The following ABHD5 variants were observed in gnomAD, a reference collection of about 807,000 sequenced individuals.
ABHD5 encodes abhydrolase domain containing 5, lysophosphatidic acid acyltransferase.
In ABHD5, 30 loss-of-function variants were observed where a neutral mutation model predicts 44.9. That is an observed-to-expected ratio of 0.67 (90% CI 0.50 to 0.91). The LOEUF (loss-of-function observed/expected upper bound fraction) is 0.91, where lower values mean the gene tolerates loss of function less well. Among genes scored for constraint, ABHD5 ranks in the 40% least tolerant of loss-of-function variants. The pLI is 0.00. For missense variants in ABHD5, 399 were observed against 423.4 expected, an observed-to-expected ratio of 0.94 and a Z score of 0.50; for synonymous variants, 167 against 147.0, an observed-to-expected ratio of 1.14 and a Z score of -0.99.
intron 7 of ABHD5, among the ~76,000 whole-genome samples, chr3:43,730,438 T>C (rs1330736575): frequency 1.3e-5 from 2 of 152,068 alleles, no homozygotes; most frequent in Non-Finnish European, 2.9e-5. Flanking sequence ...CTAATAGATA[T>C]TCCAGAAAGA....
chr3:43,699,741 G>A lies in ABHD5; in HGVS notation c.133+380G>A, dbSNP rs112971264. 3.5e-3 allele frequency: 582 copies of A among 166,138 alleles called. 8 individuals are homozygous for A. Among genetic ancestry groups the A allele is most frequent in the African/African-American group, 0.014 (562 of 41,482 alleles). The allele number at this position is 166,138 out of a possible 1,614,324, so 10.3% of individuals were successfully genotyped here. A position where few individuals can be genotyped will look rare whatever the true frequency, so the allele number is the denominator to read the frequency against. ...TTACAGATTAAAATAAATAAAATTT[G>A]TACCAAAAAAAGAAAAAAAATACTT... On this transcript the variant is annotated intron_variant, in intron 2 of 6. Coordinates refer to ENST00000644371, the MANE Select transcript of ABHD5 (RefSeq NM_016006.6).
chr3:43,691,091 G>C (rs756643002), intron 1 of ABHD5, 52 bp downstream of exon 1: 2 of 1,497,906 alleles, frequency 1.3e-6, no homozygotes, highest in African/African-American at 2.9e-5. Context: ...CACCCTCCGC[G>C]CGGGCCGGGT....
downstream of ABHD5, among the ~76,000 whole-genome samples, chr3:43,727,351 C>T (rs2084884848): frequency 6.6e-6 from 1 of 152,198 alleles, no homozygotes; most frequent in South Asian, 2.1e-4. Context: ...CCCATTGGAC[C>T]TTATTCTACT....
At chr3:43,726,169 C>G (rs1250841664), downstream of ABHD5, among the ~76,000 whole-genome samples, 1 of 152,054 alleles carries the variant, frequency 6.6e-6, no homozygotes, top group Non-Finnish European at 1.5e-5. Context: ...AGGCCTGTTT[C>G]CTAGTTTTTA....
chr3:43,703,964 C>T (rs1257043989), intron 3 of ABHD5, among the ~76,000 whole-genome samples: 2 of 151,896 alleles, frequency 1.3e-5, no homozygotes, highest in Non-Finnish European at 2.9e-5. Flanking sequence ...AACTGGCGGA[C>T]CTGTTCTTTA....
chr3:43,704,073 G>A (rs1311171993), intron 3 of ABHD5, among the ~76,000 whole-genome samples: 3 of 138,686 alleles, frequency 2.2e-5, no homozygotes, highest in African/African-American at 5.4e-5. Context: ...AGTCTCACTC[G>A]GTCGCCCAGG....
In ABHD5 at chr3:43,698,425, G is replaced by T. The variant is rs144318747; in HGVS notation, c.48-851G>T. On this transcript the variant is annotated intron_variant, in intron 1 of 6. Transcript: ENST00000644371. ...TTAAATAATACCAGCCATGCACCGA[G>T]CCCTTGCTAACTGTCAAATGACTAC... Among the ~76,000 whole-genome samples, 998 of 152,208 alleles carry T rather than the reference G, an allele frequency of 6.6e-3. 40 individuals are homozygous for T. Among genetic ancestry groups the T allele is most frequent in the Admixed American group, 0.061 (929 of 15,300 alleles).
intron 3 of ABHD5, among the ~76,000 whole-genome samples, chr3:43,708,717 C>T (rs1203315795): frequency 6.6e-6 from 1 of 152,094 alleles, no homozygotes; most frequent in Non-Finnish European, 1.5e-5. Context: ...GTAGTAGAAG[C>T]AGATGATATA....
intron 3 of ABHD5, among the ~76,000 whole-genome samples, chr3:43,709,396 T>A (rs1157690871): frequency 6.6e-6 from 1 of 152,200 alleles, no homozygotes; most frequent in African/African-American, 2.4e-5. Context: ...AAGATCATAT[T>A]TAAAAGGCAA....
At chr3:43,691,205 C>T in intron 1 of ABHD5, 166 bp downstream of exon 1, 1 of 588,390 alleles carries the variant, frequency 1.7e-6, no homozygotes, top group Non-Finnish European at 2.6e-6. Context: ...CAGAGGCGTC[C>T]CGGCGCCGCT....
intron 3 of ABHD5, among the ~76,000 whole-genome samples, chr3:43,704,039 T>C (rs999782693): frequency 3.8e-5 from 5 of 132,802 alleles, no homozygotes; most frequent in South Asian, 2.9e-4. Flanking sequence ...TTTTCTTTTT[T>C]TTTTTTTTTT....
At chr3:43,727,495 C>A (rs374879533), downstream of ABHD5, among the ~76,000 whole-genome samples, 5 of 152,208 alleles carry the variant, frequency 3.3e-5, no homozygotes, top group African/African-American at 1.2e-4. Flanking sequence ...TACCATCAGC[C>A]TTCTGTGGCC....
chr3:43,716,343 G>A (rs2084762490), intron 5 of ABHD5, among the ~76,000 whole-genome samples: 1 of 152,106 alleles, frequency 6.6e-6, no homozygotes, highest in Admixed American at 6.6e-5. Flanking sequence ...AAATACTCTG[G>A]TGATTCTGTA....
At chr3:43,715,344 G>C (rs2084750764) in intron 5 of ABHD5, among the ~76,000 whole-genome samples, 1 of 151,942 alleles carries the variant, frequency 6.6e-6, no homozygotes, top group Non-Finnish European at 1.5e-5. Flanking sequence ...TGTATTTTTA[G>C]TAGAGACGGG....
At chr3:43,724,245 G>T (rs17075928), downstream of ABHD5, among the ~76,000 whole-genome samples, 13,036 of 152,164 alleles carry the variant, frequency 0.086, 777 homozygotes, top group South Asian at 0.21. Context: ...GGTAATAGCT[G>T]GAGGGAACCC....
chr3:43,713,381 T>C (rs1183162522), intron 4 of ABHD5, among the ~76,000 whole-genome samples: 1 of 144,246 alleles, frequency 6.9e-6, no homozygotes, highest in Non-Finnish European at 1.5e-5. Context: ...GTTCTGTTAG[T>C]GAGAAAAGAG....
chr3:43,708,609 A>G (rs2084651204), intron 3 of ABHD5, among the ~76,000 whole-genome samples: 1 of 152,298 alleles, frequency 6.6e-6, no homozygotes, highest in African/African-American at 2.4e-5. Context: ...AATACTTACT[A>G]TTCGATGGCC....
At position 43,711,746 on chromosome 3, in the gene ABHD5, C is replaced by G; in HGVS notation, c.544C>G (p.Pro182Ala). Residue 182 changes from proline to alanine, a missense_variant, in exon 4 of 7, where the codon CCT becomes GCT. Pro to Ala is a conservative substitution (Grantham distance 27). Coordinates refer to ENST00000644371, the MANE Select transcript of ABHD5 (RefSeq NM_016006.6). ...CATTTTAGTGGAGCCTTGGGGTTTC[C>G]CTGAACGACCAGACCTTGCTGATCA... Reference protein sequence around the residue: ...HLILVEPWGFPERPDLADQDR... With the variant: ...HLILVEPWGFAERPDLADQDR... The G allele has an allele frequency of 3.1e-6, 5 of 1,614,122 alleles. No individual in the cohort carries two copies. The highest frequency in any genetic ancestry group is 4.2e-6 in the Non-Finnish European group (5 of 1,180,024).
At chr3:43,702,096 A>G (rs1360009981) in intron 2 of ABHD5, 119 bp from the exon 3 acceptor site, 2 of 851,270 alleles carry the variant, frequency 2.3e-6, no homozygotes, top group African/African-American at 1.7e-5. Flanking sequence ...AGCTGACAAT[A>G]CAAGCTAAAA....
Sources: allele counts gnomAD v4.1 joint callset (sites outside exome capture counted in the v4.1 genomes callset), GRCh38; gene constraint gnomAD v4.1.1; transcripts MANE v1.5; gene names NCBI Gene and HGNC (gene_info 2026-07-23, HGNC 2026-07-21).